Variants in SGMS1 observed in about 807,000 individuals in gnomAD.
The protein encoded by SGMS1 is sphingomyelin synthase 1.
Under a neutral mutation model 46.2 loss-of-function variants are expected in SGMS1, and 13 were observed. The observed-to-expected ratio is 0.28, with a 90% CI of 0.18 to 0.45. SGMS1 has a LOEUF of 0.45. Among genes scored for constraint, SGMS1 ranks in the 20% least tolerant of loss-of-function variants. The probability of loss-of-function intolerance (pLI) is 1.00; values close to 1 mark genes in which losing one functional copy is unlikely to be tolerated. For synonymous variants in SGMS1, 203 were observed against 187.8 expected, an observed-to-expected ratio of 1.08 and a Z score of -0.66; for missense variants, 324 against 519.9, an observed-to-expected ratio of 0.62 and a Z score of 3.66.
intron 2 of SGMS1, among the ~76,000 whole-genome samples, chr10:50,534,456 A>G (rs1184340056): frequency 6.6e-6 from 1 of 152,162 alleles, no homozygotes; most frequent in Admixed American, 6.6e-5. Flanking sequence ...TGATAGTAAA[A>G]TGAGATGAAT....
rs1849431839 is a variant in SGMS1 at position 50,433,470 on chromosome 10, A to G, written c.-232+6T>C. The G allele has an allele frequency of 6.6e-6, 1 of 152,372 alleles. No homozygotes were observed. Among genetic ancestry groups the G allele is most frequent in the African/African-American group, 2.4e-5 (1 of 41,462 alleles). 9.4% of individuals were successfully genotyped at this position (152,372 alleles called of 1,614,324 possible). A position where few individuals can be genotyped will look rare whatever the true frequency, so the allele number is the denominator to read the frequency against. ...GAATTCCAAAAGGCCAAGAACATTA[A>G]CTTACGGATTATTTAAAAACATTCT... On this transcript the variant is annotated splice_donor_region_variant and intron_variant, in intron 6 of 10. Coordinates refer to ENST00000361781, the MANE Select transcript of SGMS1 (RefSeq NM_147156.4).
chr10:50,525,953 A>G (rs1333400515), intron 2 of SGMS1, among the ~76,000 whole-genome samples: 1 of 152,238 alleles, frequency 6.6e-6, no homozygotes, highest in Admixed American at 6.5e-5. Context: ...TTCCTGTAGA[A>G]TATGTGATTT....
intron 3 of SGMS1, among the ~76,000 whole-genome samples, chr10:50,513,717 C>G (rs1039634700): frequency 6.6e-5 from 10 of 152,226 alleles, no homozygotes; most frequent in African/African-American, 2.4e-4. Context: ...ATATTAAGCT[C>G]AAAATTAAGC....
At chr10:50,387,118 G>T (rs1848694424) in intron 6 of SGMS1, among the ~76,000 whole-genome samples, 1 of 152,126 alleles carries the variant, frequency 6.6e-6, no homozygotes, top group Non-Finnish European at 1.5e-5. Flanking sequence ...CTCCAACTGG[G>T]GATACCATCG....
At chr10:50,365,445 C>T (rs1365328644) in intron 6 of SGMS1, among the ~76,000 whole-genome samples, 1 of 151,746 alleles carries the variant, frequency 6.6e-6, no homozygotes, top group African/African-American at 2.4e-5. Context: ...CTTTAAGTTA[C>T]AAGATACACG....
At chr10:50,365,320 C>T (rs1427629625) in intron 6 of SGMS1, among the ~76,000 whole-genome samples, 1 of 143,118 alleles carries the variant, frequency 7.0e-6, no homozygotes, top group African/African-American at 2.6e-5. Flanking sequence ...AAGTTGGAGA[C>T]TTTCTAGTGT....
chr10:50,336,399 A>C (rs998601336), intron 7 of SGMS1, among the ~76,000 whole-genome samples: 1 of 152,202 alleles, frequency 6.6e-6, no homozygotes, highest in Non-Finnish European at 1.5e-5. Flanking sequence ...GTAGCAAAGG[A>C]AGCTTTATCA....
At chr10:50,558,731 G>C (rs1838209198) in intron 2 of SGMS1, among the ~76,000 whole-genome samples, 1 of 152,090 alleles carries the variant, frequency 6.6e-6, no homozygotes, top group Non-Finnish European at 1.5e-5. Context: ...TCAACATGAA[G>C]ACAATGAGGA....
chr10:50,440,908 C>G (rs1050677394), intron 5 of SGMS1, among the ~76,000 whole-genome samples: 1 of 152,216 alleles, frequency 6.6e-6, no homozygotes, highest in African/African-American at 2.4e-5. Context: ...CCATGCCCAA[C>G]CTAGGCTCAT....
intron 5 of SGMS1, among the ~76,000 whole-genome samples, chr10:50,449,040 T>C (rs1837066099): frequency 6.6e-6 from 1 of 152,112 alleles, no homozygotes; most frequent in Admixed American, 6.5e-5. Context: ...TTTTTTTAGG[T>C]CTTTAAATCT....
intron 6 of SGMS1, among the ~76,000 whole-genome samples, chr10:50,378,991 A>G (rs1446403677): frequency 6.6e-6 from 1 of 152,160 alleles, no homozygotes; most frequent in Non-Finnish European, 1.5e-5. Flanking sequence ...AGCACAGGCT[A>G]AGGCAGAATA....
intron 6 of SGMS1, among the ~76,000 whole-genome samples, chr10:50,400,599 T>C (rs879531651): frequency 6.6e-6 from 1 of 151,658 alleles, no homozygotes; most frequent in African/African-American, 2.4e-5. Context: ...TACAGCTATA[T>C]ACCACCTCGC....
At position 50,441,540 on chromosome 10, in the gene SGMS1, T is replaced by C. The variant is rs115023765; in HGVS notation, c.-312-7984A>G. On this transcript the variant is annotated intron_variant, in intron 5 of 10. Transcript: ENST00000361781. ...TTTACAAAAAAAAGGAAACCAAAAC[T>C]CAAAGGTATGTAAGAACATAACCAG... is the stretch of plus-strand genomic sequence containing the variant. Among the ~76,000 whole-genome samples the C allele has an allele frequency of 9.5e-3, 1,452 of 152,234 alleles. 25 individuals carry two copies. Among genetic ancestry groups the C allele is most frequent in the African/African-American group, 0.033 (1,387 of 41,534 alleles).
chr10:50,308,250 T>A, intron 9 of SGMS1, 102 bp from the exon 10 acceptor site: 1 of 1,043,080 alleles, frequency 9.6e-7, no homozygotes, highest in Non-Finnish European at 1.4e-6. Flanking sequence ...ACCTTGAGTC[T>A]TCCCTTCTGA....
intron 6 of SGMS1, among the ~76,000 whole-genome samples, chr10:50,350,720 G>A (rs768281364): frequency 7.2e-5 from 11 of 152,186 alleles, no homozygotes; most frequent in South Asian, 4.1e-4. Context: ...TTGAGCCTGC[G>A]GGTGCACAGA....
At chr10:50,365,789 T>G (rs2133428549) in intron 6 of SGMS1, among the ~76,000 whole-genome samples, 1 of 152,324 alleles carries the variant, frequency 6.6e-6, no homozygotes, top group Admixed American at 6.5e-5. Flanking sequence ...TGCATAGTAT[T>G]CCATGGTATA....
At chr10:50,520,436 T>C (rs1289096562) in intron 2 of SGMS1, among the ~76,000 whole-genome samples, 1 of 151,984 alleles carries the variant, frequency 6.6e-6, no homozygotes, top group African/African-American at 2.4e-5. Context: ...GCAGAAGAAA[T>C]CATTATTATT....
intron 5 of SGMS1, among the ~76,000 whole-genome samples, chr10:50,457,820 G>T (rs1474222956): frequency 6.6e-6 from 1 of 152,138 alleles, no homozygotes; most frequent in African/African-American, 2.4e-5. Context: ...AAAGCAGAAA[G>T]AAATTTTATT....
intron 5 of SGMS1, among the ~76,000 whole-genome samples, chr10:50,449,460 C>A (rs1837072233): frequency 6.6e-6 from 1 of 152,152 alleles, no homozygotes; most frequent in Admixed American, 6.5e-5. Flanking sequence ...CAAGGCTGAG[C>A]TCCACTTTCC....
Sources: allele counts gnomAD v4.1 joint callset (sites outside exome capture counted in the v4.1 genomes callset), GRCh38; gene constraint gnomAD v4.1.1; transcripts MANE v1.5; gene names NCBI Gene and HGNC (gene_info 2026-07-23, HGNC 2026-07-21).